The following TENM4 variants were observed in gnomAD, a reference collection of about 807,000 sequenced individuals.
The protein encoded by TENM4 is teneurin transmembrane protein 4, also known as teneurin-4.
Under a neutral mutation model 243.3 loss-of-function variants are expected in TENM4, and 82 were observed. The ratio of observed to expected loss-of-function variants is 0.34; its 90% CI spans 0.28 to 0.40. The LOEUF (loss-of-function observed/expected upper bound fraction) is 0.40. TENM4 is among the 10% of genes least tolerant of loss of function. The pLI is 1.00. For synonymous variants in TENM4, 1,412 were observed against 1,456.3 expected, an observed-to-expected ratio of 0.97 and a Z score of 0.69; for missense variants, 3,138 against 3,673.3, an observed-to-expected ratio of 0.85 and a Z score of 3.77.
intron 1 of TENM4, among the ~76,000 whole-genome samples, chr11:79,362,323 A>G (rs1857604281): frequency 6.6e-6 from 1 of 152,226 alleles, no homozygotes; most frequent in Admixed American, 6.5e-5. Flanking sequence ...GGGAAATAAT[A>G]CCTGTTCATC....
intron 1 of TENM4, among the ~76,000 whole-genome samples, chr11:79,394,281 C>T (rs1047537135): frequency 1.3e-5 from 2 of 152,122 alleles, no homozygotes; most frequent in Admixed American, 6.5e-5. Flanking sequence ...TCCTGTGAGC[C>T]CTGTGGGGAT....
intron 29 of TENM4, among the ~76,000 whole-genome samples, chr11:78,684,451 T>C (rs1434460224): frequency 6.6e-6 from 1 of 152,242 alleles, no homozygotes; most frequent in Non-Finnish European, 1.5e-5. Context: ...TTTATGTGCC[T>C]GGCACTGTGC....
intron 1 of TENM4, among the ~76,000 whole-genome samples, chr11:79,308,431 G>A (rs1856663045): frequency 6.6e-6 from 1 of 152,118 alleles, no homozygotes; most frequent in African/African-American, 2.4e-5. Context: ...AGTGATGAGT[G>A]TAAGTGATAT....
intron 3 of TENM4, among the ~76,000 whole-genome samples, chr11:79,203,664 C>G (rs1373914513): frequency 6.6e-6 from 1 of 152,174 alleles, no homozygotes; most frequent in Non-Finnish European, 1.5e-5. Context: ...TGCAGGTATC[C>G]AAATCCAAGA....
At chr11:78,871,654 C>T (rs1450893299) in intron 9 of TENM4, among the ~76,000 whole-genome samples, 1 of 152,188 alleles carries the variant, frequency 6.6e-6, no homozygotes, top group Non-Finnish European at 1.5e-5. Flanking sequence ...ATGTCCAGAG[C>T]AGGACAGCCA....
At chr11:78,975,284 C>T (rs1382531325) in intron 6 of TENM4, among the ~76,000 whole-genome samples, 2 of 151,930 alleles carry the variant, frequency 1.3e-5, no homozygotes, top group Non-Finnish European at 2.9e-5. Context: ...GCGCTGCCTC[C>T]AGAGGGGTGT....
intron 4 of TENM4, among the ~76,000 whole-genome samples, chr11:79,146,969 A>G (rs955536814): frequency 4.6e-5 from 7 of 152,120 alleles, no homozygotes; most frequent in African/African-American, 1.7e-4. Flanking sequence ...ATTCACACAC[A>G]TATGCACAAA....
At chr11:79,185,883 C>T (rs941135086) in intron 3 of TENM4, among the ~76,000 whole-genome samples, 13 of 152,140 alleles carry the variant, frequency 8.5e-5, no homozygotes, top group East Asian at 3.8e-4. Flanking sequence ...ATGTTCATAA[C>T]GACAATGATG....
chr11:79,123,700 C>A (rs1236924292), intron 4 of TENM4, among the ~76,000 whole-genome samples: 1 of 151,956 alleles, frequency 6.6e-6, no homozygotes, highest in Non-Finnish European at 1.5e-5. Context: ...CAAAATGTCC[C>A]TTTTCGGGGA....
At chr11:79,266,836 A>T (rs1855891463) in intron 2 of TENM4, among the ~76,000 whole-genome samples, 1 of 152,210 alleles carries the variant, frequency 6.6e-6, no homozygotes, top group Non-Finnish European at 1.5e-5. Context: ...GCGTGCATTA[A>T]ACAAAGGATC....
At chr11:78,908,069 T>C (rs1426778785) in intron 6 of TENM4, among the ~76,000 whole-genome samples, 1 of 152,210 alleles carries the variant, frequency 6.6e-6, no homozygotes, top group Admixed American at 6.5e-5. Context: ...TCATTTTAGA[T>C]GCACAGAAAT....
At chr11:78,863,308 G>C (rs777235767) in intron 9 of TENM4, among the ~76,000 whole-genome samples, 176 bp from the exon 10 acceptor site, 6 of 152,250 alleles carry the variant, frequency 3.9e-5, no homozygotes, top group Non-Finnish European at 8.8e-5. Flanking sequence ...TGGGGACAGA[G>C]AGGATCAAGG....
chr11:79,178,032 G>A (rs1418581012), intron 3 of TENM4, among the ~76,000 whole-genome samples: 1 of 152,192 alleles, frequency 6.6e-6, no homozygotes, highest in Non-Finnish European at 1.5e-5. Flanking sequence ...GATGGCCAAG[G>A]TGAGGGTGTG....
chr11:79,324,794 C>T lies in TENM4; in HGVS notation c.-320-27251G>A, dbSNP rs183823976. Among the ~76,000 whole-genome samples the T allele has an allele frequency of 1.6e-4, 25 of 152,232 alleles. No individual in the cohort carries two copies. In the East Asian group the frequency reaches 3.9e-3, roughly 24 times the overall value. ...GGTAGATGACACTGCTGCTGTCCCC[C>T]GGAGGCCATCTCCATCAAGGGTTCA... On this transcript the variant is annotated intron_variant, in intron 1 of 33. Coordinates refer to ENST00000278550, the MANE Select transcript of TENM4 (RefSeq NM_001098816.3).
chr11:79,366,723 C>T (rs1857684787), intron 1 of TENM4, among the ~76,000 whole-genome samples: 1 of 152,264 alleles, frequency 6.6e-6, no homozygotes, highest in South Asian at 2.1e-4. Flanking sequence ...TCCTTGAGGC[C>T]TGGGAAGGTA....
At chr11:78,782,016 T>C (rs1790546) in intron 16 of TENM4, among the ~76,000 whole-genome samples, 128,414 of 152,210 alleles carry the variant, frequency 0.84, 54,918 homozygotes, top group African/African-American at 0.92. Context: ...GCATCTGTCT[T>C]GTCAAACCAC....
chr11:79,389,792 A>G (rs940404892), intron 1 of TENM4, among the ~76,000 whole-genome samples: 1 of 152,210 alleles, frequency 6.6e-6, no homozygotes, highest in African/African-American at 2.4e-5. Flanking sequence ...AAAGTACTCA[A>G]TTATTATTAT....
chr11:79,211,086 G>A (rs1323288190), intron 3 of TENM4, among the ~76,000 whole-genome samples: 1 of 152,170 alleles, frequency 6.6e-6, no homozygotes, highest in East Asian at 1.9e-4. Flanking sequence ...TCTGGGTGAG[G>A]TGGGGAGTGC....
chr11:78,737,626 T>C (rs1389280038), intron 20 of TENM4, among the ~76,000 whole-genome samples: 1 of 152,208 alleles, frequency 6.6e-6, no homozygotes, highest in Non-Finnish European at 1.5e-5. Flanking sequence ...AGAGGACTTG[T>C]CACCACTGAC....
Sources: gnomAD v4.1 joint callset for allele counts (sites outside exome capture counted in the v4.1 genomes callset) on GRCh38, gnomAD v4.1.1 for gene constraint, MANE v1.5 for transcripts, NCBI Gene and HGNC (gene_info 2026-07-23, HGNC 2026-07-21) for gene names.